Variants in MLLT3 observed in about 807,000 individuals in gnomAD.
The protein encoded by MLLT3 is MLLT3 super elongation complex subunit, also known as protein AF-9.
A neutral mutation model predicts 53.2 loss-of-function variants in MLLT3; 4 were observed. That is an observed-to-expected ratio of 0.08 (90% CI 0.04 to 0.17). The LOEUF (loss-of-function observed/expected upper bound fraction) is 0.17. Ranked by LOEUF, MLLT3 falls within the 10% of genes least tolerant of loss-of-function variation. The probability of loss-of-function intolerance (pLI) is 1.00; values close to 1 mark genes in which losing one functional copy is unlikely to be tolerated. For synonymous variants in MLLT3, 283 were observed against 230.6 expected (o/e 1.23, Z -2.06); for missense variants, 569 against 684.0 (o/e 0.83, Z 1.87).
chr9:20,588,209 T>C (rs903889088), intron 2 of MLLT3, among the ~76,000 whole-genome samples: 1 of 151,650 alleles, frequency 6.6e-6, no homozygotes, highest in African/African-American at 2.4e-5. Flanking sequence ...ATATCTCTGT[T>C]TTGGTACCAG....
At chr9:20,466,970 T>C (rs1191506124) in intron 2 of MLLT3, among the ~76,000 whole-genome samples, 1 of 152,130 alleles carries the variant, frequency 6.6e-6, no homozygotes, top group South Asian at 2.1e-4. Flanking sequence ...GCAGTAATGA[T>C]TCTAGAAAAG....
At chr9:20,582,706 A>T (rs1170321432) in intron 2 of MLLT3, among the ~76,000 whole-genome samples, 1 of 152,186 alleles carries the variant, frequency 6.6e-6, no homozygotes, top group Non-Finnish European at 1.5e-5. Context: ...AAAAATGAGG[A>T]AGAAGCAAAA....
intron 2 of MLLT3, among the ~76,000 whole-genome samples, chr9:20,513,491 T>C (rs1297801872): frequency 6.6e-6 from 1 of 151,826 alleles, no homozygotes; most frequent in African/African-American, 2.4e-5. Context: ...CAGAGAGAAA[T>C]GAGCTATGGG....
At chr9:20,450,674 T>G (rs1181041844) in intron 3 of MLLT3, among the ~76,000 whole-genome samples, 1 of 152,200 alleles carries the variant, frequency 6.6e-6, no homozygotes, top group Non-Finnish European at 1.5e-5. Flanking sequence ...AAGACCCAGC[T>G]AAAGCATTAA....
chr9:20,539,644 T>G (rs1453040763), intron 2 of MLLT3, among the ~76,000 whole-genome samples: 1 of 152,078 alleles, frequency 6.6e-6, no homozygotes, highest in Non-Finnish European at 1.5e-5. Context: ...CACCTCCCAC[T>G]AGATACCTCC....
intron 3 of MLLT3, among the ~76,000 whole-genome samples, chr9:20,455,927 CTTTT>C (rs780438955): frequency 8.6e-6 from 1 of 116,876 alleles, no homozygotes; most frequent in Non-Finnish European, 1.8e-5. Flanking sequence ...CTGCTAAAAA[CTTTT>C]TTTTTTTTTT....
intron 2 of MLLT3, among the ~76,000 whole-genome samples, chr9:20,485,235 C>T (rs925261967): frequency 6.6e-6 from 1 of 152,106 alleles, no homozygotes; most frequent in African/African-American, 2.4e-5. Flanking sequence ...GTGATCCGCC[C>T]GCCTTGGCCT....
chr9:20,526,818 G>T (rs1440795377), intron 2 of MLLT3, among the ~76,000 whole-genome samples: 1 of 152,124 alleles, frequency 6.6e-6, no homozygotes, highest in Non-Finnish European at 1.5e-5. Flanking sequence ...ATACTTCATT[G>T]TCTTTAGCAA....
At chr9:20,602,507 G>C (rs1820450669) in intron 2 of MLLT3, among the ~76,000 whole-genome samples, 1 of 152,068 alleles carries the variant, frequency 6.6e-6, no homozygotes, top group Non-Finnish European at 1.5e-5. Context: ...ATCTACATTT[G>C]TATATGGGAT....
At chr9:20,359,900 C>T (rs756584694) in intron 8 of MLLT3, among the ~76,000 whole-genome samples, 1 of 152,156 alleles carries the variant, frequency 6.6e-6, no homozygotes, top group Non-Finnish European at 1.5e-5. Flanking sequence ...CAATTCAATG[C>T]TCAATGAGGC....
intron 2 of MLLT3, among the ~76,000 whole-genome samples, chr9:20,515,422 T>C (rs979879254): frequency 1.3e-5 from 2 of 152,162 alleles, no homozygotes; most frequent in African/African-American, 4.8e-5. Flanking sequence ...ATAGGGACTA[T>C]AGGGTTTAAA....
At chr9:20,398,953 A>G (rs1179222458) in intron 5 of MLLT3, among the ~76,000 whole-genome samples, 1 of 152,146 alleles carries the variant, frequency 6.6e-6, no homozygotes, top group Non-Finnish European at 1.5e-5. Context: ...AGTTTTCAAG[A>G]GCTACACACT....
At chr9:20,445,385 T>C (rs901223886) in intron 4 of MLLT3, among the ~76,000 whole-genome samples, 4 of 152,020 alleles carry the variant, frequency 2.6e-5, no homozygotes, top group African/African-American at 9.7e-5. Context: ...ATTTAGGAAA[T>C]AGTATGACAT....
intron 3 of MLLT3, among the ~76,000 whole-genome samples, chr9:20,454,753 T>C (rs969173771): frequency 3.3e-5 from 5 of 152,176 alleles, no homozygotes; most frequent in African/African-American, 1.2e-4. Context: ...ACTTCTAAGA[T>C]ATTAAAAGGG....
At chr9:20,353,641 G>C in intron 9 of MLLT3, 45 bp from the exon 10 acceptor site, 5 of 1,500,342 alleles carry the variant, frequency 3.3e-6, no homozygotes, top group Non-Finnish European at 3.7e-6. Flanking sequence ...ACTTTAAGTA[G>C]TAGTTCAAAA....
At chr9:20,413,175 T>G (rs1822775360) in intron 5 of MLLT3, among the ~76,000 whole-genome samples, 1 of 152,228 alleles carries the variant, frequency 6.6e-6, no homozygotes, top group African/African-American at 2.4e-5. Flanking sequence ...TGTTAAAATT[T>G]ATCAAATTAT....
intron 2 of MLLT3, among the ~76,000 whole-genome samples, chr9:20,472,658 T>C (rs1021011439): frequency 5.3e-5 from 8 of 152,094 alleles, no homozygotes; most frequent in Non-Finnish European, 8.8e-5. Flanking sequence ...CTGCATGTTT[T>C]TGAAGAAACA....
intron 2 of MLLT3, among the ~76,000 whole-genome samples, chr9:20,515,147 T>C (rs539863137): frequency 7.2e-4 from 110 of 152,002 alleles, no homozygotes; most frequent in African/African-American, 2.6e-3. Context: ...GGGGTTTCAC[T>C]ATGTTGGCCA....
intron 2 of MLLT3, among the ~76,000 whole-genome samples, chr9:20,598,530 T>C (rs1054094009): frequency 6.6e-6 from 1 of 152,248 alleles, no homozygotes; most frequent in Non-Finnish European, 1.5e-5. Flanking sequence ...TTTGCTTTTA[T>C]CATTCTAACA....
Sources: allele counts gnomAD v4.1 joint callset (sites outside exome capture counted in the v4.1 genomes callset), GRCh38; gene constraint gnomAD v4.1.1; transcripts MANE v1.5; gene names NCBI Gene and HGNC (gene_info 2026-07-23, HGNC 2026-07-21).